ANP32B: variants seen among roughly 807,000 people sequenced by gnomAD.
ANP32B encodes the protein acidic nuclear phosphoprotein 32 family member B.
In ANP32B, 6 loss-of-function variants were observed where a neutral mutation model predicts 32.2. That is an observed-to-expected ratio of 0.19 (90% CI 0.10 to 0.37). The LOEUF (loss-of-function observed/expected upper bound fraction) is 0.37. Among genes scored for constraint, ANP32B ranks in the 10% least tolerant of loss-of-function variants. ANP32B has a pLI of 1.00. For missense variants in ANP32B, 204 were observed against 289.2 expected, an observed-to-expected ratio of 0.71 and a Z score of 2.14; for synonymous variants, 98 against 105.8, an observed-to-expected ratio of 0.93 and a Z score of 0.45.
chr9:97,994,666 T>A lies in ANP32B; in HGVS notation c.90T>A (p.Asn30Lys). Residue 30 changes from asparagine (N) to lysine (K), a missense_variant, in exon 2 of 7, where the codon AAT becomes AAA. By Grantham distance (94) the Asn-to-Lys change is moderately conservative. Transcript: ENST00000339399. The stretch of plus-strand genomic sequence containing the variant: ...TTGTCTTGGACAATTGCAAATCAAA[T>A]GATGGAAAAATTGAGGGCTTAACAG... Reference protein sequence around the residue: ...RELVLDNCKSNDGKIEGLTAE... With the variant: ...RELVLDNCKSKDGKIEGLTAE... 1 of 1,610,864 alleles carries A rather than the reference T, an allele frequency of 6.2e-7. No individual in the cohort carries two copies. Among genetic ancestry groups the A allele is most frequent in the Non-Finnish European group, 8.5e-7 (1 of 1,179,316 alleles).
chr9:97,990,888 TG>T (rs1412997581), intron 1 of ANP32B, among the ~76,000 whole-genome samples: 3 of 149,232 alleles, frequency 2.0e-5, no homozygotes, highest in Non-Finnish European at 4.4e-5. Context: ...GGCGCAATCT[TG>T]GCTCACTGCA....
intron 4 of ANP32B, among the ~76,000 whole-genome samples, chr9:98,008,206 T>TA (rs1828120365): frequency 6.6e-6 from 1 of 152,154 alleles, no homozygotes; most frequent in Non-Finnish European, 1.5e-5. Context: ...AGCCCCCACT[T>TA]ACAAGTGAGA....
intron 1 of ANP32B, chr9:97,987,449 G>C (rs985005538): frequency 6.6e-6 from 1 of 152,222 alleles, no homozygotes; most frequent in African/African-American, 2.4e-5. Context: ...TCAGTAAAAT[G>C]AGAAGACACT....
intron 3 of ANP32B, among the ~76,000 whole-genome samples, chr9:97,999,755 A>C (rs1348393336): frequency 6.6e-6 from 1 of 152,114 alleles, no homozygotes; most frequent in Non-Finnish European, 1.5e-5. Flanking sequence ...AGTTTGTGTA[A>C]GTTGTAGTGG....
chr9:97,998,439 G>A (rs899543520), intron 2 of ANP32B, 117 bp from the exon 3 acceptor site: 2 of 1,132,334 alleles, frequency 1.8e-6, no homozygotes, highest in South Asian at 1.9e-5. Context: ...AATAGAAATA[G>A]GGATCATTTG....
At chr9:98,000,444 C>T (rs926101398) in intron 3 of ANP32B, among the ~76,000 whole-genome samples, 1 of 152,152 alleles carries the variant, frequency 6.6e-6, no homozygotes, top group Non-Finnish European at 1.5e-5. Flanking sequence ...TTCAAACCAA[C>T]CCCCATTTCC....
chr9:97,990,591 C>A (rs1489700179), intron 1 of ANP32B, among the ~76,000 whole-genome samples: 2 of 152,170 alleles, frequency 1.3e-5, no homozygotes, highest in Non-Finnish European at 1.5e-5. Context: ...CCTAGCCCAA[C>A]AACTCTCTGC....
At chr9:98,008,993 T>C (rs1587880289) in intron 4 of ANP32B, among the ~76,000 whole-genome samples, 1 of 152,192 alleles carries the variant, frequency 6.6e-6, no homozygotes, top group South Asian at 2.1e-4. Flanking sequence ...CTTGGGTAGA[T>C]ACTTATCTCC....
chr9:97,989,693 C>A (rs1827792218), intron 1 of ANP32B, among the ~76,000 whole-genome samples: 1 of 152,170 alleles, frequency 6.6e-6, no homozygotes, highest in Non-Finnish European at 1.5e-5. Flanking sequence ...TTGACCCCAG[C>A]TCCACTCACT....
At chr9:97,985,066 G>C (rs1827690770) in intron 1 of ANP32B, among the ~76,000 whole-genome samples, 2 of 140,810 alleles carry the variant, frequency 1.4e-5, no homozygotes, top group South Asian at 2.3e-4. Context: ...GCCGTCGCGA[G>C]CCCCCCCCCC....
chr9:97,987,032 C>A (rs1818506238), intron 1 of ANP32B, among the ~76,000 whole-genome samples: 1 of 151,412 alleles, frequency 6.6e-6, no homozygotes. Context: ...CTTGTGTGTT[C>A]TGACCAAGGA....
At chr9:98,010,873 T>C (rs1459973348) in intron 4 of ANP32B, among the ~76,000 whole-genome samples, 2 of 152,028 alleles carry the variant, frequency 1.3e-5, no homozygotes, top group African/African-American at 4.8e-5. Flanking sequence ...CTGTCAAAAA[T>C]TTCAGACAGT....
intron 3 of ANP32B, among the ~76,000 whole-genome samples, chr9:98,004,757 C>T (rs894806668): frequency 1.8e-4 from 28 of 152,072 alleles, no homozygotes; most frequent in African/African-American, 6.5e-4. Flanking sequence ...ACATAGTTCT[C>T]TGGGAGAGTA....
At chr9:97,985,625 C>T (rs1827713627) in intron 1 of ANP32B, among the ~76,000 whole-genome samples, 1 of 152,188 alleles carries the variant, frequency 6.6e-6, no homozygotes, top group African/African-American at 2.4e-5. Flanking sequence ...ACACGTGGGT[C>T]TTCAGAAATG....
intron 1 of ANP32B, among the ~76,000 whole-genome samples, chr9:97,985,329 C>G (rs957955): frequency 0.25 from 38,200 of 151,908 alleles, 5,302 homozygotes; most frequent in South Asian, 0.49. Context: ...TAACGCGGGG[C>G]GGGCCGGGCT....
At chr9:97,994,168 C>T (rs1439800204) in intron 1 of ANP32B, among the ~76,000 whole-genome samples, 8 of 152,092 alleles carry the variant, frequency 5.3e-5, no homozygotes, top group Non-Finnish European at 1.2e-4. Flanking sequence ...GTGCAGAAAC[C>T]TCTAGCCAGA....
chr9:97,996,572 A>G (rs926253026), intron 2 of ANP32B, among the ~76,000 whole-genome samples: 2 of 152,136 alleles, frequency 1.3e-5, no homozygotes, highest in African/African-American at 4.8e-5. Context: ...TTTTCTTCCT[A>G]TTCCAGAACA....
intron 1 of ANP32B, 152 bp from the exon 2 acceptor site, chr9:97,994,479 T>G: frequency 1.5e-6 from 1 of 667,760 alleles, no homozygotes; most frequent in Non-Finnish European, 2.4e-6. Flanking sequence ...TTAATCAGTT[T>G]TTATCTTTTT....
chr9:97,995,268 C>T (rs552099883), intron 2 of ANP32B, among the ~76,000 whole-genome samples: 3 of 152,254 alleles, frequency 2.0e-5, no homozygotes, highest in South Asian at 2.1e-4. Context: ...ATTTTATAGG[C>T]ACAGCAATAG....
Sources: gnomAD v4.1 joint callset for allele counts (sites outside exome capture counted in the v4.1 genomes callset) on GRCh38, gnomAD v4.1.1 for gene constraint, MANE v1.5 for transcripts, NCBI Gene and HGNC (gene_info 2026-07-23, HGNC 2026-07-21) for gene names.